Variants in SALL4 observed in about 807,000 individuals in gnomAD.
SALL4 encodes the protein sal-like protein 4.
SALL4 carries 4 observed loss-of-function variants against 60.8 expected under a neutral mutation model. The observed-to-expected ratio is 0.07, with a 90% CI of 0.03 to 0.15. The LOEUF (loss-of-function observed/expected upper bound fraction) is 0.15. Ranked by LOEUF, SALL4 falls within the 10% of genes least tolerant of loss-of-function variation. The pLI is 1.00. For synonymous variants in SALL4, 580 were observed against 574.9 expected (o/e 1.01, Z -0.13); for missense variants, 1,178 against 1,394.7 (o/e 0.84, Z 2.48).
In SALL4 at chr20:51,801,298, G is replaced by T. The variant is rs1249932897; in HGVS notation, c.130+981C>A. On this transcript the variant is annotated intron_variant, in intron 1 of 3. Transcript: ENST00000217086. The surrounding 1 kb of genome is among the most constrained non-coding windows in gnomAD (Gnocchi z 5.2). ...TGGGGTCCCGAACTCCCCTCGATCT[G>T]GGAAACGCTGGCCGCGGAAGCGTGG... Among the ~76,000 whole-genome samples the T allele has an allele frequency of 6.6e-6, 1 of 152,220 alleles. No homozygotes were observed. Among genetic ancestry groups the T allele is most frequent in the Non-Finnish European group, 1.5e-5 (1 of 68,040 alleles).
At chr20:51,787,978 C>T (rs1430035135) in intron 3 of SALL4, among the ~76,000 whole-genome samples, 2 of 151,230 alleles carry the variant, frequency 1.3e-5, no homozygotes, top group East Asian at 2.0e-4. Context: ...CATGCCACCA[C>T]GCCCATCTAA....
At chr20:51,802,200 C>T in intron 1 of SALL4, 79 bp downstream of exon 1, 1 of 1,488,214 alleles carries the variant, frequency 6.7e-7, no homozygotes, top group Non-Finnish European at 8.9e-7. Context: ...CCGCCCGCTC[C>T]CCGAAGCCTG....
At position 51,784,624 on chromosome 20, in the gene SALL4, T is replaced by A; in HGVS notation, c.2803A>T (p.Ile935Phe). 1 of 1,614,250 alleles carries A rather than the reference T, an allele frequency of 6.2e-7. No homozygotes were observed. The highest frequency in any genetic ancestry group is 8.5e-7 in the Non-Finnish European group (1 of 1,180,042). The part of the protein sequence containing the change: ...NSARRGRKLA[I>F]ENTMALLGTD... Reference sequence around the variant, plus strand: ...CCTAACAGAGCCATGGTGTTCTCGATGGCCAACTTCCTTCCACGGCGGGCT... The same window carrying A: ...CCTAACAGAGCCATGGTGTTCTCGAAGGCCAACTTCCTTCCACGGCGGGCT... The change falls in exon 4 of 4, where the codon ATC (isoleucine) becomes TTC (phenylalanine). Residue 935 changes from isoleucine to phenylalanine, a missense_variant. Ile to Phe is a conservative substitution (Grantham distance 21). Transcript: ENST00000217086.
Position 51,801,004 on chromosome 20 carries a change from G to C in SALL4, c.130+1275C>G, listed in dbSNP as rs1321828460. On this transcript the variant is annotated intron_variant, in intron 1 of 3. Coordinates refer to ENST00000217086, the MANE Select transcript of SALL4 (RefSeq NM_020436.5). The surrounding 1 kb of genome is among the most constrained non-coding windows in gnomAD (Gnocchi z 5.2). ...TCTTCTCGGGAAACCCCGGGTATCA[G>C]AGATGGTCTCTGAGAGTCCTCCGGG... Among the ~76,000 whole-genome samples the C allele has an allele frequency of 6.6e-6, 1 of 152,232 alleles. No homozygotes were observed. Among genetic ancestry groups the C allele is most frequent in the Non-Finnish European group, 1.5e-5 (1 of 68,038 alleles).
rs60718711 is a variant in SALL4 at position 51,784,019 on chromosome 20, C to CAA, written c.*244_*245dup. On this transcript the variant is annotated 3_prime_UTR_variant, in exon 4 of 4. Coordinates refer to ENST00000217086, the MANE Select transcript of SALL4 (RefSeq NM_020436.5). ...TGGGTGATAGAGCGAGACTCCATCTCAAAAAAAAAGAGTCTGTATTTGTTT... is the reference window on the plus strand; with the variant it reads ...TGGGTGATAGAGCGAGACTCCATCTCAAAAAAAAAAAGAGTCTGTATTTGTTT... The CAA allele has an allele frequency of 0.045, 21,975 of 487,208 alleles. 301 individuals are homozygous for CAA. Among genetic ancestry groups the CAA allele is most frequent in the Non-Finnish European group, 0.054 (14,734 of 270,842 alleles). 30.2% of individuals were successfully genotyped at this position (487,208 alleles called of 1,614,324 possible).
intron 1 of SALL4, among the ~76,000 whole-genome samples, chr20:51,793,436 G>A (rs1045506288): frequency 7.2e-5 from 11 of 152,064 alleles, no homozygotes; most frequent in Admixed American, 3.3e-4. Flanking sequence ...ACTCCAGCCT[G>A]GGTGACAGAG....
Position 51,788,753 on chromosome 20 carries a change from G to T in SALL4, c.2742+108C>A. ...GGACTCAAGCAATCCTCCCACCTCG[G>T]CCTCCCAAAGGAGGAATGGAAGGAT... is the stretch of plus-strand genomic sequence containing the variant. On this transcript the variant is annotated intron_variant, in intron 3 of 3. Coordinates refer to ENST00000217086, the MANE Select transcript of SALL4 (RefSeq NM_020436.5). The surrounding 1 kb of genome is among the most constrained non-coding windows in gnomAD (Gnocchi z 4.1). The T allele has an allele frequency of 7.4e-7, 1 of 1,344,316 alleles. No homozygotes were observed. Among genetic ancestry groups the T allele is most frequent in the Non-Finnish European group, 1.1e-6 (1 of 947,766 alleles). The allele number at this position is 1,344,316 out of a possible 1,614,324, so 83.3% of individuals were successfully genotyped here. A position where few individuals can be genotyped will look rare whatever the true frequency, so the allele number is the denominator to read the frequency against.
rs77538589 is a variant in SALL4, at chr20:51,792,134, C to T, written c.349G>A (p.Gly117Arg). ...EGPVPSEDFS[G>R]AVLSHQPTSP... ...GTGGGCTGGTGGCTCAGTACAGCTC[C>T]GGAGAAGTCTTCTGAAGGCACAGGC... The change falls in exon 2 of 4, where the codon GGA (glycine) becomes AGA (arginine). Residue 117 changes from glycine to arginine, a missense_variant. Gly to Arg is a moderately radical substitution (Grantham distance 125). Coordinates refer to ENST00000217086, the MANE Select transcript of SALL4 (RefSeq NM_020436.5). The T allele has an allele frequency of 9.2e-4, 1,485 of 1,614,186 alleles. 23 individuals are homozygous for T. In the East Asian group the frequency reaches 0.026, roughly 28 times the overall value.
In SALL4 at chr20:51,791,296, G is replaced by A. The variant is rs756467626; in HGVS notation, c.1187C>T (p.Ser396Phe). 2 of 1,614,096 alleles carry A rather than the reference G, an allele frequency of 1.2e-6. No homozygotes were observed. Among genetic ancestry groups the A allele is most frequent in the East Asian group, 4.5e-5 (2 of 44,868 alleles). ...GTGGGAGCGGAGGTGGATCTGCAAG[G>A]AGCTATCAGTCCCAAAAACCTTGCT... ...YCSKVFGTDS[S>F]LQIHLRSHTG... Residue 396 changes from serine (S) to phenylalanine (F), a missense_variant, in exon 2 of 4, where the codon TCC becomes TTC. Around this residue, in one of 5 missense-constraint regions of SALL4, gnomAD observed 853 missense variants for 1,036.8 expected, o/e 0.82. Coordinates refer to ENST00000217086, the MANE Select transcript of SALL4 (RefSeq NM_020436.5). The surrounding 1 kb of genome is among the most constrained non-coding windows in gnomAD (Gnocchi z 4.6).
intron 1 of SALL4, 111 bp from the exon 2 acceptor site, chr20:51,792,463 C>T: frequency 7.5e-7 from 1 of 1,325,808 alleles, no homozygotes; most frequent in Non-Finnish European, 1.1e-6. Flanking sequence ...CTGAGGTGGG[C>T]AGATCACCTG....
In SALL4 at chr20:51,790,822, A is replaced by G. The variant is rs1568864132; in HGVS notation, c.1661T>C (p.Leu554Ser). ...GGTGGCCTTGTCAATGTTCTCCACC[A>G]ACTGCTGCAATTTCAGGGTCTCTGA... ...PGSETLKLQQ[L>S]VENIDKATTD... Residue 554 changes from leucine (L) to serine (S), a missense_variant, in exon 2 of 4, where the codon TTG becomes TCG. Physicochemically the swap from Leu to Ser is moderately radical, Grantham distance 145. This residue lies in a region of SALL4 where 853 missense variants were observed against 1,036.8 expected (regional missense o/e 0.82). Coordinates refer to ENST00000217086, the MANE Select transcript of SALL4 (RefSeq NM_020436.5). The surrounding 1 kb of genome is among the most constrained non-coding windows in gnomAD (Gnocchi z 5.5). 1.2e-6 allele frequency: 2 copies of G among 1,614,012 alleles called. No homozygotes were observed. Among genetic ancestry groups the G allele is most frequent in the Non-Finnish European group, 1.7e-6 (2 of 1,180,002 alleles).
chr20:51,783,263 C>CG lies in SALL4; in HGVS notation c.*1001dup, dbSNP rs1280936105. ...GGTGTGGGGAAAACATTGGCACTCT[C>CG]GGGGCTCCAACTGAACTGTATTTAA... On this transcript the variant is annotated 3_prime_UTR_variant, in exon 4 of 4. Coordinates refer to ENST00000217086, the MANE Select transcript of SALL4 (RefSeq NM_020436.5). 6.6e-6 allele frequency: 1 copy of CG among 152,030 alleles called. No individual in the cohort carries two copies. Among genetic ancestry groups the CG allele is most frequent in the African/African-American group, 2.4e-5 (1 of 41,388 alleles). 9.4% of individuals were successfully genotyped at this position (152,030 alleles called of 1,614,324 possible). A position where few individuals can be genotyped will look rare whatever the true frequency, so the allele number is the denominator to read the frequency against.
chr20:51,793,396 G>A lies in SALL4; in HGVS notation c.131-1044C>T, dbSNP rs1359018602. Among the ~76,000 whole-genome samples, 3 of 152,104 alleles carry A rather than the reference G, an allele frequency of 2.0e-5. No homozygotes were observed. In the East Asian group the frequency reaches 5.8e-4, roughly 29 times the overall value. On this transcript the variant is annotated intron_variant, in intron 1 of 3. Transcript: ENST00000217086. Reference sequence around the variant, plus strand: ...CAAGCAACTCCAGAGGCTGAGGCAGGAGAACCGCTTGAGCCTGGGAAGTCA... The same window carrying A: ...CAAGCAACTCCAGAGGCTGAGGCAGAAGAACCGCTTGAGCCTGGGAAGTCA...
intron 1 of SALL4, among the ~76,000 whole-genome samples, chr20:51,800,385 A>G (rs890797799): frequency 3.3e-5 from 5 of 152,210 alleles, no homozygotes; most frequent in Admixed American, 1.3e-4. Flanking sequence ...CCTGGTGATC[A>G]ATAGCCAACT....
chr20:51,798,438 C>T (rs117151892), intron 1 of SALL4, among the ~76,000 whole-genome samples: 2,991 of 138,774 alleles, frequency 0.022, 51 homozygotes, highest in Non-Finnish European at 0.034. Flanking sequence ...AATCCTGACA[C>T]AGACATACAA....
rs1391235725 is a variant in SALL4, at chr20:51,783,521, C to T, written c.*744G>A. 1.3e-5 allele frequency: 2 copies of T among 151,980 alleles called. No individual in the cohort carries two copies. The highest frequency in any genetic ancestry group is 2.9e-5 in the Non-Finnish European group (2 of 68,022). The allele number at this position is 151,980 out of a possible 1,614,324, so 9.4% of individuals were successfully genotyped here. On this transcript the variant is annotated 3_prime_UTR_variant, in exon 4 of 4. Transcript: ENST00000217086. Reference sequence around the variant, plus strand: ...TTGTCCTTTTACCCGTGTCCAGTTACCAGTAAGTATACAGTACCCATCTCC... The same window carrying T: ...TTGTCCTTTTACCCGTGTCCAGTTATCAGTAAGTATACAGTACCCATCTCC...
chr20:51,794,036 A>G (rs974818689), intron 1 of SALL4, among the ~76,000 whole-genome samples: 8 of 152,244 alleles, frequency 5.3e-5, no homozygotes, highest in Non-Finnish European at 8.8e-5. Context: ...CGTAATCGCG[A>G]GATGACAACC....
chr20:51,791,385 G>A lies in SALL4; in HGVS notation c.1098C>T (p.Ile366=), dbSNP rs1279871550. The part of the protein sequence containing the change: ...SKKGKGKPPN[I]SAVDVKPKDE... Reference sequence around the variant, plus strand: ...CTTTGGGTTTGACATCCACCGCGGAGATGTTCGGTGGCTTCCCCTTCCCTT... The same window carrying A: ...CTTTGGGTTTGACATCCACCGCGGAAATGTTCGGTGGCTTCCCCTTCCCTT... Residue 366 remains isoleucine, a synonymous_variant, in exon 2 of 4, where the codon ATC becomes ATT. Coordinates refer to ENST00000217086, the MANE Select transcript of SALL4 (RefSeq NM_020436.5). This position sits in a 1 kb window ranked among gnomAD's most constrained non-coding sequence, Gnocchi z 4.6. 3.1e-6 allele frequency: 5 copies of A among 1,614,220 alleles called. No homozygotes were observed. In the East Asian group the frequency reaches 8.9e-5, roughly 29 times the overall value.
rs547535745 is a variant in SALL4 at position 51,784,676 on chromosome 20, G to A, written c.2751C>T (p.Tyr917=). ...FTTKGNLKVH[Y]MTHGANNNSA... is the part of the protein sequence containing the mutation. ...AGTTATTGTTCGCCCCGTGTGTCAT[G>A]TAGTGAACCTATGGGAACAGGACAG... The change falls in exon 4 of 4, where the codon TAC becomes TAT. Residue 917 remains tyrosine (Y), a synonymous_variant. Coordinates refer to ENST00000217086, the MANE Select transcript of SALL4 (RefSeq NM_020436.5). The A allele has an allele frequency of 1.9e-6, 3 of 1,614,184 alleles. No individual in the cohort carries two copies. In the South Asian group the frequency reaches 3.3e-5, roughly 18 times the overall value.
Sources: gnomAD v4.1 joint callset for allele counts (sites outside exome capture counted in the v4.1 genomes callset) on GRCh38, gnomAD v4.1.1 for gene constraint, gnomAD v4.1.1 regional missense constraint, Gnocchi (gnomAD v3.1) non-coding constraint, MANE v1.5 for transcripts, NCBI Gene and HGNC (gene_info 2026-07-23, HGNC 2026-07-21) for gene names.